The following STK40 variants were observed in gnomAD, a reference collection of about 807,000 sequenced individuals.
STK40 encodes the protein serine/threonine kinase 40.
STK40 carries 13 observed loss-of-function variants against 47.9 expected under a neutral mutation model. The observed-to-expected ratio is 0.27, with a 90% CI of 0.18 to 0.43. STK40 has a LOEUF of 0.43. Among genes scored for constraint, STK40 ranks in the 20% least tolerant of loss-of-function variants. The pLI, the probability that STK40 is intolerant of heterozygous loss-of-function variation, is 1.00. For synonymous variants in STK40, 225 were observed against 243.2 expected (o/e 0.93, Z 0.69); for missense variants, 460 against 595.1 (o/e 0.77, Z 2.36).
chr1:36,370,468 C>G (rs1032664767), intron 1 of STK40, among the ~76,000 whole-genome samples: 1 of 152,172 alleles, frequency 6.6e-6, no homozygotes, highest in African/African-American at 2.4e-5. Flanking sequence ...AACTTCTGGC[C>G]TAACCATGCA....
intron 6 of STK40, among the ~76,000 whole-genome samples, chr1:36,350,157 CCT>C (rs1646738390): frequency 6.6e-6 from 1 of 152,240 alleles, no homozygotes; most frequent in Admixed American, 6.5e-5. Flanking sequence ...ACAGGTCCGC[CCT>C]GTCAGCTGCC....
At chr1:36,350,128 C>T (rs539775300) in intron 6 of STK40, among the ~76,000 whole-genome samples, 66 of 152,338 alleles carry the variant, frequency 4.3e-4, no homozygotes, top group African/African-American at 1.5e-3. Flanking sequence ...CCCACGGAAA[C>T]GCCAACTCCA....
intron 1 of STK40, among the ~76,000 whole-genome samples, chr1:36,376,930 C>G (rs112412662): frequency 0.036 from 5,500 of 151,968 alleles, 350 homozygotes; most frequent in African/African-American, 0.13. Context: ...TGCTCACCAC[C>G]ACACCTGGCT....
At chr1:36,369,823 GCTGGAAGAGAACA>G (rs1363407499) in intron 1 of STK40, among the ~76,000 whole-genome samples, 2 of 152,236 alleles carry the variant, frequency 1.3e-5, no homozygotes, top group East Asian at 3.8e-4. Context: ...CTGGCGCAAA[GCTGGAAGAGAACA>G]CAGTGTGGGG....
intron 3 of STK40, 101 bp from the exon 4 acceptor site, chr1:36,358,483 T>C: frequency 6.8e-7 from 1 of 1,470,700 alleles, no homozygotes; most frequent in Non-Finnish European, 9.2e-7. Flanking sequence ...CCACATGACA[T>C]TTGTGCACAA....
chr1:36,370,081 G>T (rs1646932550), intron 1 of STK40, among the ~76,000 whole-genome samples: 1 of 152,244 alleles, frequency 6.6e-6, no homozygotes, highest in African/African-American at 2.4e-5. Context: ...TGGATAGTCT[G>T]TCCAGGAAAA....
chr1:36,375,563 T>G (rs1646984625), intron 1 of STK40, among the ~76,000 whole-genome samples: 1 of 150,996 alleles, frequency 6.6e-6, no homozygotes, highest in Non-Finnish European at 1.5e-5. Context: ...ATTTCCAGAG[T>G]GATAGAGAGG....
At chr1:36,341,998 G>A in intron 10 of STK40, 25 bp from the exon 11 acceptor site, 1 of 1,594,624 alleles carries the variant, frequency 6.3e-7, no homozygotes, top group Non-Finnish European at 8.6e-7. Flanking sequence ...GGGTGGGAAG[G>A]AGACAAAGAT....
intron 1 of STK40, among the ~76,000 whole-genome samples, chr1:36,365,157 A>C (rs1349447416): frequency 2.0e-5 from 3 of 151,820 alleles, no homozygotes; most frequent in Non-Finnish European, 4.4e-5. Context: ...CACCCACCTA[A>C]TTTTGTATTT....
chr1:36,355,763 C>G (rs1646798287), intron 4 of STK40, among the ~76,000 whole-genome samples: 1 of 152,188 alleles, frequency 6.6e-6, no homozygotes, highest in African/African-American at 2.4e-5. Flanking sequence ...GCCCAGTGCT[C>G]AAGCAGCAAA....
chr1:36,344,254 G>A lies in STK40; in HGVS notation c.750C>T (p.Tyr250=), dbSNP rs1344362996. ...CCCACATGTCACTGGGCTTGCCACG[G>A]TACGGCCGGCCTACGGGCACACACA... is the stretch of plus-strand genomic sequence containing the variant. ...ISPDVLSGRP[Y]RGKPSDMWAL... Residue 250 remains tyrosine (Y), a synonymous_variant, in exon 8 of 11, where the codon TAC becomes TAT. Coordinates refer to ENST00000373132, the MANE Select transcript of STK40 (RefSeq NM_001282547.2). 10 of 1,604,854 alleles carry A rather than the reference G, an allele frequency of 6.2e-6. No individual in the cohort carries two copies. Among genetic ancestry groups the A allele is most frequent in the Non-Finnish European group, 8.5e-6 (10 of 1,175,674 alleles).
In STK40 at chr1:36,341,578, A is replaced by G; in HGVS notation, c.*177T>C. 1.5e-6 allele frequency: 1 copy of G among 660,054 alleles called. No homozygotes were observed. Among genetic ancestry groups the G allele is most frequent in the Non-Finnish European group, 2.6e-6 (1 of 390,318 alleles). 40.9% of individuals were successfully genotyped at this position (660,054 alleles called of 1,614,324 possible). A position where few individuals can be genotyped will look rare whatever the true frequency, so the allele number is the denominator to read the frequency against. ...CCAAACAATCGAGCAATCATCCCAA[A>G]AGGTAGCTTCGTGGTACCTCTGCTG... On this transcript the variant is annotated 3_prime_UTR_variant, in exon 11 of 11. Coordinates refer to ENST00000373132, the MANE Select transcript of STK40 (RefSeq NM_001282547.2).
intron 3 of STK40, 79 bp from the exon 4 acceptor site, chr1:36,358,461 G>A (rs1466194293): frequency 1.3e-6 from 2 of 1,522,338 alleles, no homozygotes; most frequent in African/African-American, 2.8e-5. Flanking sequence ...GGGGGAAGCA[G>A]GGGGCTTTTT....
rs543726883 is a variant in STK40, at chr1:36,363,590, A to G, written c.-8-2250T>C. Among the ~76,000 whole-genome samples the G allele has an allele frequency of 1.2e-3, 185 of 151,402 alleles. 2 individuals carry two copies. The highest frequency in any genetic ancestry group is 4.2e-3 in the African/African-American group (173 of 41,180). ...GGGAGGCCGAAGCGGGCGGATCACC[A>G]GGTCAGGAGAGCGAGACCATCCTGG... On this transcript the variant is annotated intron_variant, in intron 1 of 10. Coordinates refer to ENST00000373132, the MANE Select transcript of STK40 (RefSeq NM_001282547.2).
intron 7 of STK40, 108 bp downstream of exon 7, chr1:36,348,592 G>A (rs1428843045): frequency 8.3e-6 from 8 of 959,348 alleles, no homozygotes; most frequent in African/African-American, 1.6e-5. Flanking sequence ...GGCCCCCAGT[G>A]AAGCCCCAGC....
At chr1:36,367,090 C>T (rs975271093) in intron 1 of STK40, among the ~76,000 whole-genome samples, 82 of 151,672 alleles carry the variant, frequency 5.4e-4, no homozygotes, top group Non-Finnish European at 6.5e-4. Flanking sequence ...TTAGGTAATC[C>T]GCCTGCCTTG....
intron 1 of STK40, among the ~76,000 whole-genome samples, chr1:36,382,965 T>C (rs1647053626): frequency 6.6e-6 from 1 of 152,220 alleles, no homozygotes; most frequent in Non-Finnish European, 1.5e-5. Context: ...GCTTTTTTTT[T>C]GAGACAGAGT....
intron 1 of STK40, chr1:36,362,432 T>G (rs1234751559): frequency 6.6e-6 from 1 of 152,128 alleles, no homozygotes; most frequent in Non-Finnish European, 1.5e-5. Flanking sequence ...AGGGCCTCAG[T>G]GAGCAAACAT....
chr1:36,359,783 G>A (rs1646835975), intron 2 of STK40, among the ~76,000 whole-genome samples: 3 of 152,038 alleles, frequency 2.0e-5, no homozygotes, highest in South Asian at 2.1e-4. Flanking sequence ...TTCAGTTCCC[G>A]CCCACCTTTC....
Sources: allele counts gnomAD v4.1 joint callset (sites outside exome capture counted in the v4.1 genomes callset), GRCh38; gene constraint gnomAD v4.1.1; transcripts MANE v1.5; gene names NCBI Gene and HGNC (gene_info 2026-07-23, HGNC 2026-07-21).